MBOAT2: variants seen among roughly 807,000 people sequenced by gnomAD.
MBOAT2 encodes membrane bound glycerophospholipid O-acyltransferase 2, also known as membrane-bound glycerophospholipid O-acyltransferase 2.
In MBOAT2, 28 loss-of-function variants were observed where a neutral mutation model predicts 63.4. The ratio of observed to expected loss-of-function variants is 0.44; its 90% CI spans 0.33 to 0.61. The LOEUF (loss-of-function observed/expected upper bound fraction) is 0.61, where lower values mean the gene tolerates loss of function less well. Among genes scored for constraint, MBOAT2 ranks in the 20% least tolerant of loss-of-function variants. MBOAT2 has a pLI of 0.03. For missense variants in MBOAT2, 470 were observed against 605.8 expected, an observed-to-expected ratio of 0.78 and a Z score of 2.35; for synonymous variants, 211 against 215.6, an observed-to-expected ratio of 0.98 and a Z score of 0.19.
At chr2:8,936,786 C>CAAAAAAAAAAAAA (rs745694357) in intron 3 of MBOAT2, among the ~76,000 whole-genome samples, 1 of 56,338 alleles carries the variant, frequency 1.8e-5, no homozygotes, top group Non-Finnish European at 3.5e-5. Flanking sequence ...GACTCCGTCT[C>CAAAAAAAAAAAAA]AAAAAAAAAA....
At chr2:8,950,438 G>T (rs527241515) in intron 2 of MBOAT2, among the ~76,000 whole-genome samples, 2 of 152,008 alleles carry the variant, frequency 1.3e-5, no homozygotes, top group African/African-American at 4.8e-5. Flanking sequence ...TTGTTTGTTT[G>T]TTTGTTTGAG....
intron 1 of MBOAT2, among the ~76,000 whole-genome samples, chr2:9,001,883 G>C (rs1001437823): frequency 7.2e-5 from 11 of 152,126 alleles, no homozygotes; most frequent in Non-Finnish European, 1.3e-4. Context: ...AGAGAAAAAG[G>C]GAACGTGAAC....
chr2:8,998,508 T>G lies in MBOAT2; in HGVS notation c.75+5032A>C, dbSNP rs550807656. Among the ~76,000 whole-genome samples the G allele has an allele frequency of 2.0e-5, 3 of 152,190 alleles. No homozygotes were observed. In the East Asian group the frequency reaches 5.8e-4, roughly 29 times the overall value. ...ATCTATAAAATGGAATTCATCATAG[T>G]ACAGACCTGCAGGAAGATTAAAGAA... On this transcript the variant is annotated intron_variant, in intron 1 of 12. Transcript: ENST00000305997.
intron 1 of MBOAT2, among the ~76,000 whole-genome samples, chr2:8,962,236 G>A (rs1437202659): frequency 2.0e-5 from 3 of 151,784 alleles, no homozygotes; most frequent in African/African-American, 4.8e-5. Flanking sequence ...AGTGTAACTC[G>A]TTACAAATCA....
Position 8,997,512 on chromosome 2 carries a change from C to T in MBOAT2, c.75+6028G>A, listed in dbSNP as rs143699943. Among the ~76,000 whole-genome samples, 29 of 152,208 alleles carry T rather than the reference C, an allele frequency of 1.9e-4. No individual in the cohort carries two copies. In the East Asian group the frequency reaches 2.5e-3, roughly 13 times the overall value. On this transcript the variant is annotated intron_variant, in intron 1 of 12. Transcript: ENST00000305997. ...CGACCGAACCCAAGCCTTGTATTTC[C>T]CTTCCTAAAAAGCAAGTCCTAAAGA...
chr2:8,871,018 A>G (rs1019470351), intron 8 of MBOAT2, among the ~76,000 whole-genome samples: 2 of 151,884 alleles, frequency 1.3e-5, no homozygotes, highest in Non-Finnish European at 2.9e-5. Flanking sequence ...TTTTTGAGGC[A>G]GGGTCTCACT....
At chr2:8,896,072 C>T (rs1664444721) in intron 4 of MBOAT2, among the ~76,000 whole-genome samples, 1 of 151,840 alleles carries the variant, frequency 6.6e-6, no homozygotes, top group Non-Finnish European at 1.5e-5. Flanking sequence ...CCCATCTCTA[C>T]TAAAAATGCA....
At chr2:8,884,060 TAAA>T (rs758119072) in intron 5 of MBOAT2, among the ~76,000 whole-genome samples, 2 of 104,310 alleles carry the variant, frequency 1.9e-5, no homozygotes, top group Admixed American at 9.9e-5. Flanking sequence ...TTGTCTTTAC[TAAA>T]AAAAAAAAAA....
At chr2:8,901,560 AG>A in intron 4 of MBOAT2, among the ~76,000 whole-genome samples, 1 of 152,184 alleles carries the variant, frequency 6.6e-6, no homozygotes, top group East Asian at 1.9e-4. Context: ...GAGGGAGGGA[AG>A]GGATCTCCAG....
At chr2:8,866,115 G>T (rs1661874432) in intron 9 of MBOAT2, among the ~76,000 whole-genome samples, 1 of 152,054 alleles carries the variant, frequency 6.6e-6, no homozygotes, top group Non-Finnish European at 1.5e-5. Flanking sequence ...TATCTCAGTG[G>T]CACTTAGCAT....
At chr2:8,943,799 T>C (rs993857626) in intron 2 of MBOAT2, among the ~76,000 whole-genome samples, 5 of 152,198 alleles carry the variant, frequency 3.3e-5, no homozygotes, top group African/African-American at 1.2e-4. Context: ...TAAACTTCCT[T>C]ATATAAATCA....
intron 1 of MBOAT2, among the ~76,000 whole-genome samples, chr2:9,001,034 C>T (rs1260755127): frequency 1.3e-5 from 2 of 152,034 alleles, no homozygotes; most frequent in Non-Finnish European, 2.9e-5. Flanking sequence ...TAGGCCCACA[C>T]AGGGTCAGGA....
chr2:8,856,141 G>A lies in MBOAT2; in HGVS notation c.*2538C>T, dbSNP rs777414509. 17 of 152,186 alleles carry A rather than the reference G, an allele frequency of 1.1e-4. No individual in the cohort carries two copies. Among genetic ancestry groups the A allele is most frequent in the East Asian group, 7.7e-4 (4 of 5,176 alleles). The allele number at this position is 152,186 out of a possible 1,614,324, so 9.4% of individuals were successfully genotyped here. A position where few individuals can be genotyped will look rare whatever the true frequency, so the allele number is the denominator to read the frequency against. On this transcript the variant is annotated 3_prime_UTR_variant, in exon 13 of 13. Coordinates refer to ENST00000305997, the MANE Select transcript of MBOAT2 (RefSeq NM_138799.4). The surrounding 1 kb of genome is among the most constrained non-coding windows in gnomAD (Gnocchi z 4.2). ...AACTGGATATGGAATTATTATCTTC[G>A]AAGGAACCAGAAAACCAATCAAATA... is the stretch of plus-strand genomic sequence containing the variant.
chr2:8,941,443 A>G (rs1668043599), intron 3 of MBOAT2, among the ~76,000 whole-genome samples: 1 of 152,158 alleles, frequency 6.6e-6, no homozygotes, highest in African/African-American at 2.4e-5. Flanking sequence ...CAATGACAGA[A>G]ATGTTCTCTA....
intron 3 of MBOAT2, among the ~76,000 whole-genome samples, chr2:8,912,290 AAAAGAAAG>A (rs1665765524): frequency 7.9e-6 from 1 of 125,908 alleles, no homozygotes. Context: ...AGACAGAAGG[AAAAGAAAG>A]AAAAGAAAGA....
In MBOAT2 at chr2:8,854,522, T is replaced by A. The variant is rs537283261; in HGVS notation, c.*4157A>T. ...GCTTATATCTAAAACTCTGGACAAA[T>A]TTTTAGCTGACACAGATATAGTAGG... On this transcript the variant is annotated 3_prime_UTR_variant, in exon 13 of 13. Transcript: ENST00000305997. 1 of 152,354 alleles carries A rather than the reference T, an allele frequency of 6.6e-6. No homozygotes were observed. Among genetic ancestry groups the A allele is most frequent in the South Asian group, 2.1e-4 (1 of 4,832 alleles). 9.4% of individuals were successfully genotyped at this position (152,354 alleles called of 1,614,324 possible).
At chr2:8,977,724 G>A (rs1323705804) in intron 1 of MBOAT2, among the ~76,000 whole-genome samples, 1 of 152,026 alleles carries the variant, frequency 6.6e-6, no homozygotes, top group Non-Finnish European at 1.5e-5. Flanking sequence ...TATCTCACTT[G>A]ACTATCTAAT....
In MBOAT2 at chr2:9,003,682, G is replaced by A. The variant is rs1318387353; in HGVS notation, c.-68C>T. On this transcript the variant is annotated 5_prime_UTR_variant, in exon 1 of 13. Transcript: ENST00000305997. The surrounding 1 kb of genome is among the most constrained non-coding windows in gnomAD (Gnocchi z 5.4). ...TCGCGCTGTGCCGGGCGACGACGAG[G>A]ATGGGGATGCAGCGGCGCGCCCGCC... The A allele has an allele frequency of 2.0e-6, 2 of 1,025,524 alleles. No homozygotes were observed. The highest frequency in any genetic ancestry group is 1.7e-5 in the African/African-American group (1 of 58,114). The allele number at this position is 1,025,524 out of a possible 1,614,324, so 63.5% of individuals were successfully genotyped here.
intron 10 of MBOAT2, among the ~76,000 whole-genome samples, chr2:8,863,570 C>A (rs1315302287): frequency 6.6e-6 from 1 of 152,162 alleles, no homozygotes; most frequent in East Asian, 1.9e-4. Context: ...AGCACCCACA[C>A]TTGTAGGAAG....
Sources: gnomAD v4.1 joint callset for allele counts (sites outside exome capture counted in the v4.1 genomes callset) on GRCh38, gnomAD v4.1.1 for gene constraint, Gnocchi (gnomAD v3.1) non-coding constraint, MANE v1.5 for transcripts, NCBI Gene and HGNC (gene_info 2026-07-23, HGNC 2026-07-21) for gene names.